Variants in FGD2 observed in about 807,000 individuals in gnomAD.
FGD2 encodes FYVE, RhoGEF and PH domain containing 2, also known as FYVE, RhoGEF and PH domain-containing protein 2.
A neutral mutation model predicts 75.9 loss-of-function variants in FGD2; 52 were observed. That is an observed-to-expected ratio of 0.69 (90% CI 0.55 to 0.86). The LOEUF (loss-of-function observed/expected upper bound fraction) is 0.86, where lower values mean the gene tolerates loss of function less well. Among genes scored for constraint, FGD2 ranks in the 40% least tolerant of loss-of-function variants. The pLI is 0.00. For missense variants in FGD2, 790 were observed against 872.0 expected (o/e 0.91, Z 1.18); for synonymous variants, 347 against 348.6 (o/e 1.00, Z 0.05).
chr6:37,007,626 G>C (rs1180956891), intron 1 of FGD2, among the ~76,000 whole-genome samples: 1 of 152,242 alleles, frequency 6.6e-6, no homozygotes, highest in African/African-American at 2.4e-5. Context: ...CATACCAACT[G>C]CCTTGGCCTG....
Position 37,028,115 on chromosome 6 carries a change from C to A in FGD2, c.1920C>A (p.Ala640=). ...GRWVKAMERA[A]SGWSPSWPND... is the part of the protein sequence containing the mutation. ...GGGTGAAGGCCATGGAGCGGGCGGC[C>A]AGTGGCTGGAGCCCCAGCTGGCCCA... Residue 640 remains alanine, a synonymous_variant, in exon 16 of 16, where the codon GCC becomes GCA. Coordinates refer to ENST00000274963, the MANE Select transcript of FGD2 (RefSeq NM_173558.4). 1 of 1,609,804 alleles carries A rather than the reference C, an allele frequency of 6.2e-7. No homozygotes were observed. Among genetic ancestry groups the A allele is most frequent in the Non-Finnish European group, 8.5e-7 (1 of 1,178,240 alleles).
intron 9 of FGD2, among the ~76,000 whole-genome samples, chr6:37,017,813 T>A (rs1583310551): frequency 6.6e-6 from 1 of 152,162 alleles, no homozygotes; most frequent in Non-Finnish European, 1.5e-5. Flanking sequence ...CCACCCCTGC[T>A]CCTGACTGGG....
intron 11 of FGD2, among the ~76,000 whole-genome samples, chr6:37,021,155 CGT>C (rs945584410): frequency 1.4e-4 from 20 of 147,020 alleles, no homozygotes; most frequent in African/African-American, 2.8e-4. Context: ...TGTGTGCGTG[CGT>C]GTGTGTGTGT....
Position 37,015,046 on chromosome 6 carries a change from G to A in FGD2, c.1029+8G>A. The A allele has an allele frequency of 6.2e-7, 1 of 1,610,738 alleles. No individual in the cohort carries two copies. Among genetic ancestry groups the A allele is most frequent in the Non-Finnish European group, 8.5e-7 (1 of 1,178,354 alleles). On this transcript the variant is annotated splice_region_variant and intron_variant, in intron 8 of 15. Transcript: ENST00000274963. ...GAGCGCTACCTTTTCTTGGTAAGAG[G>A]GTGCTGGGAGCTCCTCTCCACACTG... is the stretch of plus-strand genomic sequence containing the variant.
At chr6:37,024,297 C>T (rs1407513423) in intron 13 of FGD2, 1 of 151,978 alleles carries the variant, frequency 6.6e-6, no homozygotes, top group African/African-American at 2.4e-5. Flanking sequence ...CCCAGATCAC[C>T]CCACTGTACT....
Position 37,017,623 on chromosome 6 carries a change from T to C in FGD2, c.1122+1763T>C, listed in dbSNP as rs187997203. Among the ~76,000 whole-genome samples, 741 of 152,302 alleles carry C rather than the reference T, an allele frequency of 4.9e-3. 7 individuals are homozygous for C. Among genetic ancestry groups the C allele is most frequent in the Non-Finnish European group, 8.4e-3 (569 of 68,018 alleles). ...CTCTCTGCTGGCTCCTGAGTCCTGGTGTGTCCTGAGGGCTGGGACTGGAAG... is the reference window on the plus strand; with the variant it reads ...CTCTCTGCTGGCTCCTGAGTCCTGGCGTGTCCTGAGGGCTGGGACTGGAAG... On this transcript the variant is annotated intron_variant, in intron 9 of 15. Coordinates refer to ENST00000274963, the MANE Select transcript of FGD2 (RefSeq NM_173558.4).
intron 8 of FGD2, among the ~76,000 whole-genome samples, chr6:37,015,553 C>T (rs957054227): frequency 6.6e-6 from 1 of 152,178 alleles, no homozygotes; most frequent in African/African-American, 2.4e-5. Context: ...GGTGACCCTT[C>T]AGTAACCATC....
At chr6:37,024,518 A>AT (rs1190881675) in intron 13 of FGD2, 1 of 152,174 alleles carries the variant, frequency 6.6e-6, no homozygotes, top group African/African-American at 2.4e-5. Flanking sequence ...AAATACATAC[A>AT]TATAGAGAGA....
intron 14 of FGD2, chr6:37,026,256 C>T (rs981948781): frequency 1.3e-5 from 13 of 985,302 alleles, no homozygotes; most frequent in African/African-American, 1.7e-5. Flanking sequence ...TGTCCTGCCC[C>T]GACAGTCCCA....
At chr6:37,010,569 A>G (rs1764956375) in intron 2 of FGD2, among the ~76,000 whole-genome samples, 1 of 152,204 alleles carries the variant, frequency 6.6e-6, no homozygotes, top group Non-Finnish European at 1.5e-5. Context: ...CAAGTCTGGC[A>G]TCTGGGCAGG....
chr6:37,006,831 G>A (rs58244395), intron 1 of FGD2, among the ~76,000 whole-genome samples: 11,277 of 152,150 alleles, frequency 0.074, 490 homozygotes, highest in Non-Finnish European at 0.095. Flanking sequence ...GGGAGATGCT[G>A]AACTGCAGTG....
chr6:37,013,066 T>C (rs1765101680), intron 4 of FGD2: 1 of 140,680 alleles, frequency 7.1e-6, no homozygotes, highest in Non-Finnish European at 1.6e-5. Flanking sequence ...GGTTTCACCA[T>C]GCTGCTCAGG....
At chr6:37,021,395 C>A in intron 11 of FGD2, 117 bp from the exon 12 acceptor site, 1 of 834,498 alleles carries the variant, frequency 1.2e-6, no homozygotes, top group Non-Finnish European at 1.9e-6. Flanking sequence ...TAGAATCCAG[C>A]GCCTGGTACC....
Position 37,008,958 on chromosome 6 carries a change from C to T in FGD2, c.193C>T (p.Pro65Ser), listed in dbSNP as rs1764879312. The change falls in exon 2 of 16, where the codon CCC (proline) becomes TCC (serine). Residue 65 changes from proline (P) to serine (S), a missense_variant. Pro to Ser is a moderately conservative substitution (Grantham distance 74). Transcript: ENST00000274963. ...TGTCGGGGAGGCCGTGGGGTCTGAG[C>T]CCAGGACAGTCAGCAGGAGGTACCT... ...TNVGEAVGSE[P>S]RTVSRRYLNS... 6.2e-7 allele frequency: 1 copy of T among 1,614,248 alleles called. No homozygotes were observed. Among genetic ancestry groups the T allele is most frequent in the Non-Finnish European group, 8.5e-7 (1 of 1,180,036 alleles).
intron 6 of FGD2, 181 bp downstream of exon 6, chr6:37,014,281 G>A (rs1765168621): frequency 1.3e-6 from 1 of 765,284 alleles, no homozygotes; most frequent in East Asian, 2.7e-5. Flanking sequence ...AAGGCCCAGA[G>A]AGGTTTAGTG....
At chr6:37,020,888 A>ATGCGTG (rs1765546633) in intron 11 of FGD2, 149 bp downstream of exon 11, 5 of 697,488 alleles carry the variant, frequency 7.2e-6, no homozygotes, top group African/African-American at 1.9e-5. Flanking sequence ...GTATGTATGC[A>ATGCGTG]TGTGTGTGTG....
At chr6:37,025,602 G>T (rs112576386) in intron 13 of FGD2, 190 bp from the exon 14 acceptor site, 5 of 612,022 alleles carry the variant, frequency 8.2e-6, no homozygotes, top group South Asian at 2.0e-5. Context: ...CCCATGTGTC[G>T]CAGCCTCCAG....
At chr6:37,023,237 T>C (rs998359326) in intron 13 of FGD2, 2 of 154,974 alleles carry the variant, frequency 1.3e-5, no homozygotes, top group Non-Finnish European at 2.9e-5. Context: ...CTCTGCCTAC[T>C]GGTTCAGGCC....
chr6:37,011,263 C>T (rs1764991928), intron 3 of FGD2: 2 of 604,964 alleles, frequency 3.3e-6, no homozygotes, highest in East Asian at 5.6e-5. Flanking sequence ...GGTGCCCAGG[C>T]TGGCCCCTGT....
Sources: allele counts gnomAD v4.1 joint callset (sites outside exome capture counted in the v4.1 genomes callset), GRCh38; gene constraint gnomAD v4.1.1; transcripts MANE v1.5; gene names NCBI Gene and HGNC (gene_info 2026-07-23, HGNC 2026-07-21).